Variants in OPCML observed in about 807,000 individuals in gnomAD.
The protein encoded by OPCML is opioid-binding protein/cell adhesion molecule.
In OPCML, 13 loss-of-function variants were observed where a neutral mutation model predicts 37.8. The ratio of observed to expected loss-of-function variants is 0.34; its 90% CI spans 0.22 to 0.55. OPCML has a LOEUF of 0.55. Among genes scored for constraint, OPCML ranks in the 20% least tolerant of loss-of-function variants. OPCML has a pLI of 0.91. For missense variants in OPCML, 341 were observed against 435.6 expected (o/e 0.78, Z 1.93); for synonymous variants, 176 against 168.8 (o/e 1.04, Z -0.33).
intron 3 of OPCML, among the ~76,000 whole-genome samples, chr11:132,655,322 G>T (rs1335653034): frequency 6.6e-6 from 1 of 152,218 alleles, no homozygotes; most frequent in Non-Finnish European, 1.5e-5. Context: ...AAGCCCAGGT[G>T]CAGGCAGGTG....
intron 1 of OPCML, among the ~76,000 whole-genome samples, chr11:133,142,797 A>G (rs1361014469): frequency 6.6e-6 from 1 of 152,078 alleles, no homozygotes; most frequent in Admixed American, 6.5e-5. Flanking sequence ...TGATGACTTC[A>G]GGCCAAAGTC....
At chr11:133,354,382 G>A (rs1233842342) in intron 1 of OPCML, among the ~76,000 whole-genome samples, 2 of 61,130 alleles carry the variant, frequency 3.3e-5, no homozygotes, top group Non-Finnish European at 7.1e-5. Flanking sequence ...AGAAAAATAC[G>A]AATCAATGCA....
intron 1 of OPCML, among the ~76,000 whole-genome samples, chr11:133,152,460 G>A (rs758367642): frequency 2.6e-5 from 4 of 151,956 alleles, no homozygotes; most frequent in Non-Finnish European, 5.9e-5. Context: ...CATCCACATC[G>A]ACCGGGAAGA....
intron 1 of OPCML, among the ~76,000 whole-genome samples, chr11:133,338,022 C>A (rs1943781745): frequency 6.6e-6 from 1 of 151,996 alleles, no homozygotes. Flanking sequence ...CACAAGAAAC[C>A]CTGTGGCTCA....
At chr11:133,414,264 A>G (rs1368005513) in intron 1 of OPCML, among the ~76,000 whole-genome samples, 1 of 152,108 alleles carries the variant, frequency 6.6e-6, no homozygotes, top group Non-Finnish European at 1.5e-5. Context: ...ACATGTATAT[A>G]CGTGGTTTTC....
intron 1 of OPCML, among the ~76,000 whole-genome samples, chr11:133,530,989 C>T (rs972429802): frequency 6.6e-6 from 1 of 152,080 alleles, no homozygotes; most frequent in African/African-American, 2.4e-5. Context: ...TATAAAAAGG[C>T]AGGTAAGGTT....
chr11:133,288,533 G>A (rs374952747), intron 1 of OPCML, among the ~76,000 whole-genome samples: 5 of 152,274 alleles, frequency 3.3e-5, no homozygotes, highest in Admixed American at 2.0e-4. Context: ...GGACTGTTGC[G>A]GTGTAAGGCC....
chr11:132,686,154 C>G (rs1410950606), intron 2 of OPCML, among the ~76,000 whole-genome samples: 2 of 152,184 alleles, frequency 1.3e-5, no homozygotes, highest in Non-Finnish European at 2.9e-5. Flanking sequence ...GGCTGTCCTT[C>G]AGGTGCTGGC....
chr11:132,537,151 C>T (rs2096342967), intron 3 of OPCML, among the ~76,000 whole-genome samples: 1 of 152,178 alleles, frequency 6.6e-6, no homozygotes, highest in African/African-American at 2.4e-5. Flanking sequence ...TGAAGCCTAG[C>T]ATTAAGTGCT....
chr11:132,653,110 T>C (rs1941514067), intron 3 of OPCML, among the ~76,000 whole-genome samples: 1 of 152,226 alleles, frequency 6.6e-6, no homozygotes, highest in Non-Finnish European at 1.5e-5. Flanking sequence ...AACATCTGTG[T>C]AATGTTTGTG....
chr11:132,886,474 G>GACC (rs959017280), intron 2 of OPCML, among the ~76,000 whole-genome samples: 3 of 152,190 alleles, frequency 2.0e-5, no homozygotes, highest in Non-Finnish European at 2.9e-5. Context: ...CCTTGGCAGC[G>GACC]ACCGTGAGAA....
intron 1 of OPCML, among the ~76,000 whole-genome samples, chr11:133,450,508 C>T (rs1466192491): frequency 6.6e-6 from 1 of 151,310 alleles, no homozygotes; most frequent in Non-Finnish European, 1.5e-5. Context: ...CAGGAAAACT[C>T]TTGGAATACT....
rs377461211 is a variant in OPCML at position 132,648,507 on chromosome 11, A to T, written c.379+8580T>A. ...AGGCAGATGACAGCCCCAGGCCCTG[A>T]CACTTCTCTCTGTCTTTTTTTTTTT... On this transcript the variant is annotated intron_variant, in intron 3 of 7. Transcript: ENST00000524381. 8.0e-5 allele frequency among the ~76,000 whole-genome samples: 12 copies of T among 149,802 alleles called. No homozygotes were observed. In the East Asian group the frequency reaches 1.8e-3, roughly 22 times the overall value.
chr11:132,912,423 C>T (rs984510664), intron 2 of OPCML, among the ~76,000 whole-genome samples: 15 of 152,228 alleles, frequency 9.9e-5, no homozygotes, highest in East Asian at 9.7e-4. Context: ...GTTATGAGGT[C>T]GGGAAGCACA....
chr11:133,136,876 T>TGTGTGTGTGTG lies in OPCML; in HGVS notation c.62-193867_62-193866insCACACACACAC, dbSNP rs1949700828. ...GTGTGTGTGTGTGTGTGTGTGTGTG[T>TGTGTGTGTGTG]TGGGGAAGGGGTTTTAATGTGTTTC... On this transcript the variant is annotated intron_variant, in intron 1 of 7. Coordinates refer to ENST00000524381, the MANE Select transcript of OPCML (RefSeq NM_001012393.5). 3.9e-5 allele frequency among the ~76,000 whole-genome samples: 4 copies of TGTGTGTGTGTG among 102,480 alleles called. No homozygotes were observed. In the East Asian group the frequency reaches 1.2e-3, roughly 32 times the overall value. The allele number at this position is 102,480 out of a possible 152,430, so 67.2% of individuals were successfully genotyped here. A position where few individuals can be genotyped will look rare whatever the true frequency, so the allele number is the denominator to read the frequency against.
intron 1 of OPCML, among the ~76,000 whole-genome samples, chr11:133,304,746 G>A (rs1942869873): frequency 6.6e-6 from 1 of 152,142 alleles, no homozygotes; most frequent in South Asian, 2.1e-4. Flanking sequence ...ATGTTGCCAT[G>A]GAAAGTAAAC....
chr11:132,415,189 A>T lies in OPCML; in HGVS notation c.*5004T>A, dbSNP rs74333467. 265 of 152,758 alleles carry T rather than the reference A, an allele frequency of 1.7e-3. No individual in the cohort carries two copies. Among genetic ancestry groups the T allele is most frequent in the Middle Eastern group, 3.4e-3 (1 of 294 alleles). 9.5% of individuals were successfully genotyped at this position (152,758 alleles called of 1,614,324 possible). A position where few individuals can be genotyped will look rare whatever the true frequency, so the allele number is the denominator to read the frequency against. ...GAAAATAAAAGAAAAAAAGAACTCT[A>T]GAAGGCTGACAAAGTCATACTCTTG... On this transcript the variant is annotated 3_prime_UTR_variant, in exon 8 of 8. Transcript: ENST00000524381.
intron 3 of OPCML, among the ~76,000 whole-genome samples, chr11:132,624,354 C>T (rs188614267): frequency 7.4e-4 from 113 of 152,312 alleles, no homozygotes; most frequent in Non-Finnish European, 1.2e-3. Context: ...TTATCATTAA[C>T]ATCCACATAG....
chr11:132,559,555 T>C (rs1300366054), intron 3 of OPCML, among the ~76,000 whole-genome samples: 1 of 152,182 alleles, frequency 6.6e-6, no homozygotes, highest in East Asian at 1.9e-4. Flanking sequence ...CTTTTTCTTT[T>C]TTCTCTTCAA....
Sources: allele counts gnomAD v4.1 joint callset (sites outside exome capture counted in the v4.1 genomes callset), GRCh38; gene constraint gnomAD v4.1.1; transcripts MANE v1.5; gene names NCBI Gene and HGNC (gene_info 2026-07-23, HGNC 2026-07-21).